The following BAALC variants were observed in gnomAD, a reference collection of about 807,000 sequenced individuals.
The protein encoded by BAALC is BAALC binder of MAP3K1 and KLF4, also known as brain and acute leukemia cytoplasmic protein.
A neutral mutation model predicts 15.5 loss-of-function variants in BAALC; 9 were observed. The ratio of observed to expected loss-of-function variants is 0.58; its 90% CI spans 0.35 to 1.02. The LOEUF is 1.02. BAALC is among the 50% of genes least tolerant of loss of function. The pLI is 0.02. For synonymous variants in BAALC, 80 were observed against 74.6 expected (o/e 1.07, Z -0.37); for missense variants, 201 against 192.4 (o/e 1.04, Z -0.27).
At chr8:103,154,955 T>G (rs13262291) in intron 1 of BAALC, among the ~76,000 whole-genome samples, 37,497 of 150,146 alleles carry the variant, frequency 0.25, 4,929 homozygotes, top group Middle Eastern at 0.38. Context: ...ATATGGAGAA[T>G]AGTATAATAA....
At chr8:103,166,546 A>T (rs1346764204) in intron 1 of BAALC, among the ~76,000 whole-genome samples, 1 of 152,176 alleles carries the variant, frequency 6.6e-6, no homozygotes, top group Non-Finnish European at 1.5e-5. Flanking sequence ...GGACAGTGAC[A>T]CTGGCAAGGA....
intron 1 of BAALC, among the ~76,000 whole-genome samples, chr8:103,186,971 T>C (rs112349319): frequency 4.6e-5 from 7 of 152,354 alleles, no homozygotes; most frequent in African/African-American, 1.7e-4. Context: ...ACTTGTTCTC[T>C]CAGGACCTTA....
chr8:103,183,664 A>C (rs1006126608), intron 1 of BAALC, among the ~76,000 whole-genome samples: 1 of 152,190 alleles, frequency 6.6e-6, no homozygotes, highest in African/African-American at 2.4e-5. Context: ...CTTTTCCAAC[A>C]AAGTTGCAGT....
chr8:103,190,274 C>A (rs1440196499), intron 1 of BAALC, among the ~76,000 whole-genome samples: 1 of 152,168 alleles, frequency 6.6e-6, no homozygotes, highest in Non-Finnish European at 1.5e-5. Context: ...TTCTGCAGGG[C>A]TGTCAACATC....
chr8:103,150,385 G>C (rs1810961774), intron 1 of BAALC, among the ~76,000 whole-genome samples: 1 of 151,040 alleles, frequency 6.6e-6, no homozygotes, highest in African/African-American at 2.4e-5. Context: ...GGGTGTGTCT[G>C]TGTGTGTGTG....
intron 1 of BAALC, among the ~76,000 whole-genome samples, chr8:103,162,869 T>C (rs1586386140): frequency 6.6e-6 from 1 of 152,176 alleles, no homozygotes; most frequent in Non-Finnish European, 1.5e-5. Context: ...ACGTTACAAC[T>C]GTAGCATAGC....
intron 1 of BAALC, chr8:103,153,145 G>A (rs1233646846): frequency 6.6e-6 from 1 of 152,188 alleles, no homozygotes; most frequent in Admixed American, 6.5e-5. Flanking sequence ...TTCCACACAG[G>A]GAACTTTCAA....
At chr8:103,178,129 T>G (rs1227833144) in intron 1 of BAALC, among the ~76,000 whole-genome samples, 1 of 152,204 alleles carries the variant, frequency 6.6e-6, no homozygotes, top group Non-Finnish European at 1.5e-5. Context: ...CAAAGTATAT[T>G]TCTCAAAATG....
At chr8:103,202,593 CAA>C (rs1308647969) in intron 1 of BAALC, among the ~76,000 whole-genome samples, 1 of 152,102 alleles carries the variant, frequency 6.6e-6, no homozygotes, top group African/African-American at 2.4e-5. Flanking sequence ...CAAGGAGACA[CAA>C]AGAGGAAAGA....
At chr8:103,183,005 G>A in intron 1 of BAALC, among the ~76,000 whole-genome samples, 1 of 152,182 alleles carries the variant, frequency 6.6e-6, no homozygotes, top group Non-Finnish European at 1.5e-5. Flanking sequence ...CCCCACAGAA[G>A]ATGACCTTGA....
intron 2 of BAALC, among the ~76,000 whole-genome samples, chr8:103,224,429 TG>T (rs921371337): frequency 1.2e-4 from 2 of 16,822 alleles, no homozygotes; most frequent in Admixed American, 7.1e-4. Context: ...AGTGGGCGGG[TG>T]GGGGGGCAGG....
In BAALC at chr8:103,198,395, C is replaced by T. The variant is rs975692652; in HGVS notation, c.161-14524C>T. 2.0e-5 allele frequency among the ~76,000 whole-genome samples: 3 copies of T among 152,040 alleles called. No individual in the cohort carries two copies. The East Asian group carries it at 5.8e-4, about 29-fold the overall frequency. ...ATGGCTCTATTTCTTAAAAATCATTCTTATTTCACGAGTAATATATCAAAA... is the reference window on the plus strand; with the variant it reads ...ATGGCTCTATTTCTTAAAAATCATTTTTATTTCACGAGTAATATATCAAAA... On this transcript the variant is annotated intron_variant, in intron 1 of 2. Coordinates refer to ENST00000309982, the MANE Select transcript of BAALC (RefSeq NM_024812.3).
chr8:103,176,834 G>A (rs72673311), intron 1 of BAALC, among the ~76,000 whole-genome samples: 12,575 of 152,172 alleles, frequency 0.083, 707 homozygotes, highest in Middle Eastern at 0.13. Flanking sequence ...TCAATAGTTC[G>A]AAGGAAGAAC....
At chr8:103,157,451 GAA>G (rs1244316709) in intron 1 of BAALC, among the ~76,000 whole-genome samples, 1 of 151,952 alleles carries the variant, frequency 6.6e-6, no homozygotes, top group African/African-American at 2.4e-5. Flanking sequence ...GCAAATTCCG[GAA>G]GTCATGTAAC....
intron 1 of BAALC, among the ~76,000 whole-genome samples, chr8:103,202,109 G>A (rs1193614361): frequency 6.6e-6 from 1 of 152,096 alleles, no homozygotes; most frequent in African/African-American, 2.4e-5. Flanking sequence ...TTTTCTACAT[G>A]AAACACCTAT....
At chr8:103,155,400 T>C (rs913832705) in intron 1 of BAALC, among the ~76,000 whole-genome samples, 1 of 152,178 alleles carries the variant, frequency 6.6e-6, no homozygotes, top group Non-Finnish European at 1.5e-5. Flanking sequence ...AGGAGTGGAA[T>C]GGCTGTTGTA....
At chr8:103,188,496 T>TG (rs1160737426) in intron 1 of BAALC, among the ~76,000 whole-genome samples, 1 of 152,126 alleles carries the variant, frequency 6.6e-6, no homozygotes, top group Non-Finnish European at 1.5e-5. Flanking sequence ...TAACAGGCTG[T>TG]GGTATTAGGT....
intron 1 of BAALC, among the ~76,000 whole-genome samples, chr8:103,197,929 G>C (rs1413967918): frequency 6.6e-6 from 1 of 152,154 alleles, no homozygotes; most frequent in African/African-American, 2.4e-5. Context: ...GAGGAGACAA[G>C]TATCAAAACT....
intron 1 of BAALC, among the ~76,000 whole-genome samples, chr8:103,163,778 A>G (rs1315549345): frequency 6.6e-6 from 1 of 152,034 alleles, no homozygotes; most frequent in Admixed American, 6.6e-5. Context: ...CTATTGCTCC[A>G]TGTGTGTCTC....
Sources: allele counts gnomAD v4.1 joint callset (sites outside exome capture counted in the v4.1 genomes callset), GRCh38; gene constraint gnomAD v4.1.1; transcripts MANE v1.5; gene names NCBI Gene and HGNC (gene_info 2026-07-23, HGNC 2026-07-21).